Variants in EXOC4 observed in about 807,000 individuals in gnomAD.
The protein encoded by EXOC4 is exocyst complex component 4.
Under a neutral mutation model 107.2 loss-of-function variants are expected in EXOC4, and 71 were observed. That is an observed-to-expected ratio of 0.66 (90% CI 0.55 to 0.81). EXOC4 has a LOEUF of 0.81. EXOC4 is among the 30% of genes least tolerant of loss of function. The pLI is 0.00. For missense variants in EXOC4, 1,108 were observed against 1,189.6 expected (o/e 0.93, Z 1.01); for synonymous variants, 456 against 441.2 (o/e 1.03, Z -0.42).
At chr7:133,279,880 A>G (rs1584773267) in intron 2 of EXOC4, among the ~76,000 whole-genome samples, 1 of 152,178 alleles carries the variant, frequency 6.6e-6, no homozygotes, top group Non-Finnish European at 1.5e-5. Flanking sequence ...GGTAGATTCT[A>G]TGTTTTTGAG....
intron 7 of EXOC4, among the ~76,000 whole-genome samples, chr7:133,431,016 A>T (rs1017035522): frequency 6.6e-6 from 1 of 152,228 alleles, no homozygotes; most frequent in Non-Finnish European, 1.5e-5. Flanking sequence ...CTGAATAATG[A>T]ATCTAATCCA....
chr7:133,332,369 G>A (rs1343824637), intron 5 of EXOC4, among the ~76,000 whole-genome samples: 1 of 152,158 alleles, frequency 6.6e-6, no homozygotes, highest in Non-Finnish European at 1.5e-5. Flanking sequence ...AGTGGCTCAT[G>A]CCTGTAATCC....
At chr7:134,092,527 T>A in the EXOC4 span, among the ~76,000 whole-genome samples, 4 of 152,168 alleles carry the variant, frequency 2.6e-5, no homozygotes, top group Non-Finnish European at 5.9e-5. Context: ...AGAAACCTTA[T>A]AAGCCAGAGG....
chr7:133,501,746 A>T (rs897638817), intron 9 of EXOC4, among the ~76,000 whole-genome samples: 2 of 152,156 alleles, frequency 1.3e-5, no homozygotes, highest in Non-Finnish European at 2.9e-5. Flanking sequence ...TTTGTTCATG[A>T]TTCCTAGTTT....
intron 5 of EXOC4, among the ~76,000 whole-genome samples, chr7:133,318,986 A>C (rs921906825): frequency 5.9e-5 from 9 of 152,162 alleles, no homozygotes; most frequent in African/African-American, 2.2e-4. Flanking sequence ...GGGGTTGTAG[A>C]CTGTGGAATT....
chr7:133,407,446 T>C (rs898600980), intron 7 of EXOC4, among the ~76,000 whole-genome samples: 2 of 152,240 alleles, frequency 1.3e-5, no homozygotes, highest in Admixed American at 1.3e-4. Context: ...GAATGACTTT[T>C]TTTCTTTAAC....
chr7:133,704,977 A>G (rs574955057), intron 10 of EXOC4, among the ~76,000 whole-genome samples: 1 of 152,344 alleles, frequency 6.6e-6, no homozygotes, highest in South Asian at 2.1e-4. Flanking sequence ...AGATCTTAGT[A>G]ACCTCAGCAT....
intron 9 of EXOC4, among the ~76,000 whole-genome samples, chr7:133,552,964 T>G (rs1477426963): frequency 6.6e-6 from 1 of 152,146 alleles, no homozygotes; most frequent in African/African-American, 2.4e-5. Flanking sequence ...CTTTGTAAGG[T>G]CTGATCCATT....
At position 133,897,593 on chromosome 7, in the gene EXOC4, GA is replaced by G. The variant is rs138505528; in HGVS notation, c.1871+1863del. The stretch of plus-strand genomic sequence containing the variant: ...TGAAATAGAAATAATAATTCAAAGA[GA>G]AAAAGGAAAAGCAAAACATATCCAG... On this transcript the variant is annotated intron_variant, in intron 12 of 17. Coordinates refer to ENST00000253861, the MANE Select transcript of EXOC4 (RefSeq NM_021807.4). Among the ~76,000 whole-genome samples, 281 of 152,096 alleles carry G rather than the reference GA, an allele frequency of 1.8e-3. 1 individual carries two copies. Among genetic ancestry groups the G allele is most frequent in the African/African-American group, 6.5e-3 (271 of 41,504 alleles).
chr7:133,859,291 G>A (rs1002559727), intron 11 of EXOC4, among the ~76,000 whole-genome samples: 9 of 152,212 alleles, frequency 5.9e-5, no homozygotes, highest in East Asian at 3.9e-4. Context: ...GGAGCTTCAC[G>A]CCCTCTCTTC....
At chr7:133,297,712 C>T (rs1350102813) in intron 3 of EXOC4, among the ~76,000 whole-genome samples, 1 of 152,028 alleles carries the variant, frequency 6.6e-6, no homozygotes, top group Non-Finnish European at 1.5e-5. Context: ...TAGGTATCAT[C>T]GTCGTCATTT....
At chr7:133,648,901 A>T (rs1803062583) in intron 10 of EXOC4, among the ~76,000 whole-genome samples, 1 of 152,154 alleles carries the variant, frequency 6.6e-6, no homozygotes, top group African/African-American at 2.4e-5. Flanking sequence ...AATTTTTCTT[A>T]CCCATTTCTC....
intron 5 of EXOC4, among the ~76,000 whole-genome samples, chr7:133,335,313 C>T (rs1435380502): frequency 1.3e-5 from 2 of 152,138 alleles, no homozygotes; most frequent in East Asian, 3.8e-4. Context: ...CCAGAAATAT[C>T]TCATCTTGCA....
At chr7:133,971,334 G>GTATATATATA (rs1206467959) in intron 14 of EXOC4, among the ~76,000 whole-genome samples, 508 of 41,626 alleles carry the variant, frequency 0.012, 12 homozygotes, top group Admixed American at 0.02. Flanking sequence ...GGGAAAATGT[G>GTATATATATA]TATATATATA....
rs1463444455 is a variant in EXOC4, at chr7:134,065,121, T to C, written c.*593T>C. 1 of 152,626 alleles carries C rather than the reference T, an allele frequency of 6.6e-6. No individual in the cohort carries two copies. The highest frequency in any genetic ancestry group is 1.5e-5 in the Non-Finnish European group (1 of 68,030). 9.5% of individuals were successfully genotyped at this position (152,626 alleles called of 1,614,324 possible). On this transcript the variant is annotated 3_prime_UTR_variant, in exon 18 of 18. Coordinates refer to ENST00000253861, the MANE Select transcript of EXOC4 (RefSeq NM_021807.4). ...TAATTTAGGGCTAGGAATAGAAGTC[T>C]TTTGATCCCAGTCCCTGGGACAGTT...
intron 9 of EXOC4, among the ~76,000 whole-genome samples, chr7:133,515,054 A>G (rs899930534): frequency 6.6e-6 from 1 of 152,160 alleles, no homozygotes; most frequent in Admixed American, 6.5e-5. Flanking sequence ...ACAATTTTTT[A>G]GAGCACTTTT....
Position 133,895,685 on chromosome 7 carries a change from G to A in EXOC4, c.1821G>A (p.Met607Ile). ...CATATTCAGATCAATTCCTCAACAT[G>A]GTGTGCGTGAAGCTCCAGGAGTACA... The part of the protein sequence containing the change: ...LSAYSDQFLN[M>I]VCVKLQEYKD... Residue 607 changes from methionine to isoleucine, a missense_variant, in exon 12 of 18, where the codon ATG becomes ATA. Coordinates refer to ENST00000253861, the MANE Select transcript of EXOC4 (RefSeq NM_021807.4). 6.2e-7 allele frequency: 1 copy of A among 1,614,130 alleles called. No individual in the cohort carries two copies. Among genetic ancestry groups the A allele is most frequent in the South Asian group, 1.1e-5 (1 of 91,076 alleles).
chr7:133,609,740 G>A (rs1225616577), intron 9 of EXOC4, among the ~76,000 whole-genome samples: 1 of 152,172 alleles, frequency 6.6e-6, no homozygotes. Flanking sequence ...AGGTGGGGTC[G>A]AGCTGACTCG....
intron 12 of EXOC4, among the ~76,000 whole-genome samples, chr7:133,915,328 G>A (rs532122244): frequency 6.6e-6 from 1 of 152,266 alleles, no homozygotes; most frequent in South Asian, 2.1e-4. Flanking sequence ...CAGGAAAAAG[G>A]GGAGATAGGT....
Sources: gnomAD v4.1 joint callset for allele counts (sites outside exome capture counted in the v4.1 genomes callset) on GRCh38, gnomAD v4.1.1 for gene constraint, MANE v1.5 for transcripts, NCBI Gene and HGNC (gene_info 2026-07-23, HGNC 2026-07-21) for gene names.